Variants in SLC25A25 observed in about 807,000 individuals in gnomAD.
SLC25A25 encodes the protein solute carrier family 25 member 25.
Under a neutral mutation model 57.7 loss-of-function variants are expected in SLC25A25, and 32 were observed. That is an observed-to-expected ratio of 0.55 (90% CI 0.42 to 0.74). The LOEUF (loss-of-function observed/expected upper bound fraction) is 0.74. SLC25A25 is among the 30% of genes least tolerant of loss of function. The pLI is 0.00. For synonymous variants in SLC25A25, 306 were observed against 291.2 expected, an observed-to-expected ratio of 1.05 and a Z score of -0.52; for missense variants, 556 against 701.3, an observed-to-expected ratio of 0.79 and a Z score of 2.34.
chr9:128,085,004 G>T (rs1229872124), intron 1 of SLC25A25, among the ~76,000 whole-genome samples: 1 of 152,100 alleles, frequency 6.6e-6, no homozygotes, highest in Non-Finnish European at 1.5e-5. Context: ...TAACCTACAA[G>T]GAAATCAAAG....
intron 1 of SLC25A25, among the ~76,000 whole-genome samples, chr9:128,079,608 A>G (rs1418361526): frequency 1.2e-4 from 17 of 143,840 alleles, no homozygotes; most frequent in African/African-American, 2.5e-4. Context: ...AAATACAAAA[A>G]AAAAAAAAAA....
intron 1 of SLC25A25, among the ~76,000 whole-genome samples, chr9:128,077,644 C>T (rs1833048464): frequency 6.6e-6 from 1 of 151,624 alleles, no homozygotes; most frequent in African/African-American, 2.4e-5. Context: ...GGGGTACTGG[C>T]GGGTAGAGAG....
At chr9:128,076,047 T>TTTCTA (rs140347899) in intron 1 of SLC25A25, among the ~76,000 whole-genome samples, 1 of 151,488 alleles carries the variant, frequency 6.6e-6, no homozygotes, top group Non-Finnish European at 1.5e-5. Context: ...CCCAGCCAAC[T>TTTCTA]TTTTATTTTA....
At chr9:128,100,942 TGGTG>T in intron 1 of SLC25A25, 150 bp from the exon 2 acceptor site, 2 of 1,015,738 alleles carry the variant, frequency 2.0e-6, no homozygotes, top group East Asian at 5.2e-5. Flanking sequence ...TCGATTGCCA[TGGTG>T]GCTCTGAGAG....
At position 128,102,664 on chromosome 9, in the gene SLC25A25, A is replaced by G. The variant is rs1392599972; in HGVS notation, c.624+183A>G. On this transcript the variant is annotated intron_variant, in intron 5 of 10. Transcript: ENST00000373069. This position sits in a 1 kb window ranked among gnomAD's most constrained non-coding sequence, Gnocchi z 4.1. ...CATGTTCCCCATGTTCTGGCACTCC[A>G]GCCAACCTGAACAGCCCCATCGTTC... Among the ~76,000 whole-genome samples, 5 of 152,142 alleles carry G rather than the reference A, an allele frequency of 3.3e-5. No individual in the cohort carries two copies. The highest frequency in any genetic ancestry group is 2.0e-4 in the Admixed American group (3 of 15,290).
Position 128,106,413 on chromosome 9 carries a change from G to A in SLC25A25, c.1105G>A (p.Ala369Thr). ...TGQYSGMLDC[A>T]RRILAREGVA... ...CCAGTACTCAGGAATGCTGGACTGC[G>A]CCAGGAGGATCCTGGCCAGAGAGGG... The change falls in exon 9 of 11, where the codon GCC becomes ACC. Residue 369 changes from alanine (A) to threonine (T), a missense_variant. Ala to Thr is a moderately conservative substitution (Grantham distance 58). Transcript: ENST00000373069. 4 of 1,613,686 alleles carry A rather than the reference G, an allele frequency of 2.5e-6. No homozygotes were observed. The highest frequency in any genetic ancestry group is 2.2e-5 in the East Asian group (1 of 44,886).
At chr9:128,080,364 A>T (rs1336227413) in intron 1 of SLC25A25, among the ~76,000 whole-genome samples, 9 of 151,404 alleles carry the variant, frequency 5.9e-5, no homozygotes, top group African/African-American at 2.2e-4. Context: ...AAAAAAAAAA[A>T]AAAAAAAAAG....
chr9:128,086,155 T>C (rs1833268444), intron 1 of SLC25A25, among the ~76,000 whole-genome samples: 1 of 122,880 alleles, frequency 8.1e-6, no homozygotes, highest in Non-Finnish European at 1.8e-5. Context: ...TCAAGTTGGG[T>C]GTTTGTTTTT....
rs1564197812 is a variant in SLC25A25 at position 128,107,029 on chromosome 9, A to T, written c.1213A>T (p.Thr405Ser). Residue 405 changes from threonine to serine, a missense_variant and splice_region_variant, in exon 10 of 11, where the codon ACG becomes TCG. By Grantham distance (58) the Thr-to-Ser change is moderately conservative. This residue lies in a region of SLC25A25 where 294 missense variants were observed against 389.6 expected (regional missense o/e 0.75). Transcript: ENST00000373069. ...ATCCCATGCTCCCTTCTCCTTCTAGACGCTCAAGAATGCCTGGCTGCAGCA... is the reference window on the plus strand; with the variant it reads ...ATCCCATGCTCCCTTCTCCTTCTAGTCGCTCAAGAATGCCTGGCTGCAGCA... Reference protein sequence around the residue: ...YAGIDLAVYETLKNAWLQHYA... With the variant: ...YAGIDLAVYESLKNAWLQHYA... 2.5e-6 allele frequency: 4 copies of T among 1,613,588 alleles called. No individual in the cohort carries two copies. Among genetic ancestry groups the T allele is most frequent in the Non-Finnish European group, 2.5e-6 (3 of 1,179,726 alleles).
chr9:128,085,094 C>T lies in SLC25A25; in HGVS notation c.262-16002C>T, dbSNP rs577098653. On this transcript the variant is annotated intron_variant, in intron 1 of 10. Coordinates refer to ENST00000373069, the MANE Select transcript of SLC25A25 (RefSeq NM_001330988.2). ...CCTGTAATCCCAGTACTTTGGGAGGCCAAGGTGGGAGGATCACTTGAGGTC... is the reference window on the plus strand; with the variant it reads ...CCTGTAATCCCAGTACTTTGGGAGGTCAAGGTGGGAGGATCACTTGAGGTC... Among the ~76,000 whole-genome samples the T allele has an allele frequency of 1.2e-4, 19 of 152,260 alleles. No individual in the cohort carries two copies. The South Asian group carries it at 3.5e-3, about 28-fold the overall frequency.
chr9:128,090,991 CTAGGGGTAGA>C (rs1833390822), intron 1 of SLC25A25: 1 of 152,212 alleles, frequency 6.6e-6, no homozygotes, highest in African/African-American at 2.4e-5. Flanking sequence ...GTGCCTGGTC[CTAGGGGTAGA>C]AAGGTCTGTG....
At position 128,102,162 on chromosome 9, in the gene SLC25A25, T is replaced by C; in HGVS notation, c.512+47T>C. ...GACTGCCTCCCTTGACTTCCATGCC[T>C]GATCAGAGCGGGATTCTTGTGGGCC... On this transcript the variant is annotated intron_variant, in intron 4 of 10. Coordinates refer to ENST00000373069, the MANE Select transcript of SLC25A25 (RefSeq NM_001330988.2). This position sits in a 1 kb window ranked among gnomAD's most constrained non-coding sequence, Gnocchi z 4.1. The C allele has an allele frequency of 1.3e-6, 2 of 1,547,658 alleles. No homozygotes were observed. The highest frequency in any genetic ancestry group is 1.7e-6 in the Non-Finnish European group (2 of 1,144,276).
chr9:128,089,709 T>C (rs1833355337), intron 1 of SLC25A25, among the ~76,000 whole-genome samples: 1 of 151,012 alleles, frequency 6.6e-6, no homozygotes, highest in Admixed American at 6.6e-5. Flanking sequence ...GATGGCTCAC[T>C]GCAGCCTTGA....
At chr9:128,093,184 A>T (rs1833459288) in intron 1 of SLC25A25, among the ~76,000 whole-genome samples, 1 of 151,714 alleles carries the variant, frequency 6.6e-6, no homozygotes, top group African/African-American at 2.4e-5. Flanking sequence ...CACTGGGGAG[A>T]AGTCTTCGTC....
chr9:128,082,588 C>T (rs1833178504), intron 1 of SLC25A25, among the ~76,000 whole-genome samples: 1 of 152,146 alleles, frequency 6.6e-6, no homozygotes, highest in South Asian at 2.1e-4. Context: ...CCTGTACCAC[C>T]CAAAAATAAT....
intron 1 of SLC25A25, among the ~76,000 whole-genome samples, chr9:128,071,374 T>G (rs889474230): frequency 3.3e-5 from 5 of 152,174 alleles, no homozygotes; most frequent in Admixed American, 1.3e-4. Flanking sequence ...GTGTGTGGGT[T>G]TAGTATAGAG....
At chr9:128,096,083 ATAATT>A (rs1833548481) in intron 1 of SLC25A25, among the ~76,000 whole-genome samples, 1 of 151,910 alleles carries the variant, frequency 6.6e-6, no homozygotes, top group Non-Finnish European at 1.5e-5. Flanking sequence ...GAAGCAAACA[ATAATT>A]TAACAAAGGA....
At chr9:128,104,295 C>T (rs532935859) in intron 6 of SLC25A25, among the ~76,000 whole-genome samples, 4 of 152,316 alleles carry the variant, frequency 2.6e-5, no homozygotes, top group South Asian at 2.1e-4. Flanking sequence ...ACCCACACAA[C>T]GACACTGGTG....
rs770019072 is a variant in SLC25A25, at chr9:128,102,625, A to G, written c.624+144A>G. ...AGACTGTCCCCTCTTCTGCCAGCCC[A>G]GTAGAGCTGTCCGCATGTTCCCCAT... On this transcript the variant is annotated intron_variant, in intron 5 of 10. Transcript: ENST00000373069. The surrounding 1 kb of genome is among the most constrained non-coding windows in gnomAD (Gnocchi z 4.1). The G allele has an allele frequency of 1.4e-5, 9 of 654,302 alleles. No individual in the cohort carries two copies. Among genetic ancestry groups the G allele is most frequent in the Non-Finnish European group, 2.4e-5 (9 of 381,102 alleles). 40.5% of individuals were successfully genotyped at this position (654,302 alleles called of 1,614,324 possible). A position where few individuals can be genotyped will look rare whatever the true frequency, so the allele number is the denominator to read the frequency against.
Sources: gnomAD v4.1 joint callset for allele counts (sites outside exome capture counted in the v4.1 genomes callset) on GRCh38, gnomAD v4.1.1 for gene constraint, gnomAD v4.1.1 regional missense constraint, Gnocchi (gnomAD v3.1) non-coding constraint, MANE v1.5 for transcripts, NCBI Gene and HGNC (gene_info 2026-07-23, HGNC 2026-07-21) for gene names.